C8orf34: variants seen among roughly 807,000 people sequenced by gnomAD.
C8orf34 encodes the protein uncharacterized protein C8orf34.
A neutral mutation model predicts 68.3 loss-of-function variants in C8orf34; 65 were observed. The ratio of observed to expected loss-of-function variants is 0.95; its 90% CI spans 0.78 to 1.17. The LOEUF (loss-of-function observed/expected upper bound fraction) is 1.17, where lower values mean the gene tolerates loss of function less well. Among genes scored for constraint, C8orf34 ranks in the 50% most tolerant of loss-of-function variants. The pLI is 0.00. For synonymous variants in C8orf34, 244 were observed against 241.2 expected (o/e 1.01, Z -0.11); for missense variants, 664 against 655.4 (o/e 1.01, Z -0.14).
At chr8:68,525,557 C>T (rs111932097) in intron 6 of C8orf34, 22 of 907,962 alleles carry the variant, frequency 2.4e-5, no homozygotes, top group South Asian at 1.3e-4. Flanking sequence ...TGTGTGTCTT[C>T]GTCTTACTTC....
intron 3 of C8orf34, among the ~76,000 whole-genome samples, chr8:68,464,784 T>C (rs1483992525): frequency 1.3e-5 from 2 of 151,684 alleles, no homozygotes; most frequent in African/African-American, 4.8e-5. Context: ...CCTTACACCT[T>C]ATACAAAAAT....
chr8:68,614,403 T>C (rs1818127658), intron 7 of C8orf34, among the ~76,000 whole-genome samples: 2 of 152,190 alleles, frequency 1.3e-5, no homozygotes, highest in South Asian at 4.1e-4. Flanking sequence ...GGTTTTCTTC[T>C]AGGGTTTTTA....
At chr8:68,787,015 GT>G (rs2129528986) in intron 11 of C8orf34, among the ~76,000 whole-genome samples, 1 of 152,260 alleles carries the variant, frequency 6.6e-6, no homozygotes, top group East Asian at 1.9e-4. Context: ...AGGCAGTGAA[GT>G]AATACTAGGA....
chr8:68,590,063 GAAAA>G (rs1228685506), intron 7 of C8orf34, among the ~76,000 whole-genome samples: 1 of 142,994 alleles, frequency 7.0e-6, no homozygotes, highest in Admixed American at 7.2e-5. Context: ...GAGAAAACAA[GAAAA>G]GAAAGAAAGG....
intron 1 of C8orf34, among the ~76,000 whole-genome samples, chr8:68,354,145 TATA>T (rs1806642787): frequency 6.6e-6 from 1 of 152,114 alleles, no homozygotes; most frequent in African/African-American, 2.4e-5. Context: ...TTCAATGTTT[TATA>T]ATATTTATAT....
At chr8:68,388,314 C>T (rs1366888349) in intron 1 of C8orf34, among the ~76,000 whole-genome samples, 1 of 152,090 alleles carries the variant, frequency 6.6e-6, no homozygotes, top group Non-Finnish European at 1.5e-5. Context: ...TTCTGCAGAG[C>T]CCCAGTGGAG....
intron 3 of C8orf34, among the ~76,000 whole-genome samples, chr8:68,449,365 C>T (rs75992874): frequency 6.6e-6 from 1 of 152,014 alleles, no homozygotes; most frequent in Non-Finnish European, 1.5e-5. Flanking sequence ...TGCTACCTAG[C>T]CCCTATCTAG....
intron 2 of C8orf34, among the ~76,000 whole-genome samples, chr8:68,441,459 C>T (rs560446020): frequency 1.4e-4 from 22 of 152,118 alleles, no homozygotes; most frequent in Admixed American, 3.9e-4. Flanking sequence ...TCTTATTCTC[C>T]TCCTCCTCCT....
chr8:68,433,041 G>T (rs1001960651), intron 1 of C8orf34, among the ~76,000 whole-genome samples: 10 of 152,088 alleles, frequency 6.6e-5, no homozygotes, highest in African/African-American at 2.4e-4. Context: ...ATACATTTTT[G>T]GAGGCAACCA....
intron 1 of C8orf34, among the ~76,000 whole-genome samples, chr8:68,429,808 G>A (rs1810378216): frequency 6.6e-6 from 1 of 152,202 alleles, no homozygotes; most frequent in African/African-American, 2.4e-5. Flanking sequence ...AATAGATATT[G>A]TATGTGCCTG....
In C8orf34 at chr8:68,331,783, C is replaced by CTTTTTTTTTTTTTTTTTTTTTTTTTTT. The variant is rs552564162; in HGVS notation, c.327+447_327+473dup. 1.7e-4 allele frequency among the ~76,000 whole-genome samples: 5 copies of CTTTTTTTTTTTTTTTTTTTTTTTTTTT among 29,512 alleles called. 2 individuals are homozygous for CTTTTTTTTTTTTTTTTTTTTTTTTTTT. The highest frequency in any genetic ancestry group is 2.1e-4 in the African/African-American group (2 of 9,546). 19.4% of individuals were successfully genotyped at this position (29,512 alleles called of 152,430 possible). A position where few individuals can be genotyped will look rare whatever the true frequency, so the allele number is the denominator to read the frequency against. ...CTTTTTTCTTTTCTTTTCTTTCCTT[C>CTTTTTTTTTTTTTTTTTTTTTTTTTTT]TTTTTTTTTTTTTTTTTTTTTTTTT... On this transcript the variant is annotated intron_variant, in intron 1 of 13. Coordinates refer to ENST00000518698, the MANE Select transcript of C8orf34 (RefSeq NM_052958.4).
intron 12 of C8orf34, among the ~76,000 whole-genome samples, chr8:68,812,406 C>T (rs543583768): frequency 2.6e-5 from 4 of 152,180 alleles, no homozygotes; most frequent in South Asian, 4.2e-4. Flanking sequence ...AACTGTATAT[C>T]GTCTTTAGTA....
At chr8:68,785,547 C>T (rs1398584434) in intron 11 of C8orf34, among the ~76,000 whole-genome samples, 1 of 152,212 alleles carries the variant, frequency 6.6e-6, no homozygotes, top group Non-Finnish European at 1.5e-5. Context: ...CTTACAAACT[C>T]CACTCATTTT....
At chr8:68,794,506 T>TATATATACA (rs58048066) in intron 12 of C8orf34, among the ~76,000 whole-genome samples, 17 of 59,022 alleles carry the variant, frequency 2.9e-4, no homozygotes, top group South Asian at 1.1e-3. Flanking sequence ...TATATATATA[T>TATATATACA]TTTTTTTTTT....
At chr8:68,630,290 T>C (rs1447444027) in intron 7 of C8orf34, among the ~76,000 whole-genome samples, 2 of 152,130 alleles carry the variant, frequency 1.3e-5, no homozygotes, top group Admixed American at 6.5e-5. Flanking sequence ...GGAATATCCA[T>C]AATATTATCA....
At chr8:68,630,441 A>G (rs1165317589) in intron 7 of C8orf34, among the ~76,000 whole-genome samples, 2 of 152,168 alleles carry the variant, frequency 1.3e-5, no homozygotes, top group Non-Finnish European at 2.9e-5. Flanking sequence ...GCACTCAGTA[A>G]TAACATGTAA....
chr8:68,590,412 A>G (rs1036339987), intron 7 of C8orf34, among the ~76,000 whole-genome samples: 1 of 152,144 alleles, frequency 6.6e-6, no homozygotes, highest in African/African-American at 2.4e-5. Flanking sequence ...GAAGCAGGTC[A>G]TAGGGTTTTA....
chr8:68,647,744 A>G (rs1819222011), intron 8 of C8orf34, among the ~76,000 whole-genome samples: 1 of 152,230 alleles, frequency 6.6e-6, no homozygotes, highest in African/African-American at 2.4e-5. Flanking sequence ...AAATAAAGAA[A>G]AATAGAAGCT....
chr8:68,787,967 C>T (rs1250707145), intron 12 of C8orf34, among the ~76,000 whole-genome samples: 1 of 152,104 alleles, frequency 6.6e-6, no homozygotes, highest in African/African-American at 2.4e-5. Context: ...GTTCACAAAA[C>T]AAGTTAATAT....
Sources: gnomAD v4.1 joint callset for allele counts (sites outside exome capture counted in the v4.1 genomes callset) on GRCh38, gnomAD v4.1.1 for gene constraint, MANE v1.5 for transcripts, NCBI Gene and HGNC (gene_info 2026-07-23, HGNC 2026-07-21) for gene names.